SCG5: variants seen among roughly 807,000 people sequenced by gnomAD.
SCG5 encodes neuroendocrine protein 7B2.
In SCG5, 18 loss-of-function variants were observed where a neutral mutation model predicts 25.7. The ratio of observed to expected loss-of-function variants is 0.70; its 90% CI spans 0.48 to 1.04. SCG5 has a LOEUF of 1.04. Ranked by LOEUF, SCG5 falls within the 50% of genes least tolerant of loss-of-function variation. SCG5 has a pLI of 0.00. For synonymous variants in SCG5, 101 were observed against 91.7 expected (o/e 1.10, Z -0.58); for missense variants, 206 against 259.8 (o/e 0.79, Z 1.42).
intron 2 of SCG5, among the ~76,000 whole-genome samples, chr15:32,648,709 A>G (rs2053985946): frequency 6.6e-6 from 1 of 151,404 alleles, no homozygotes; most frequent in South Asian, 2.1e-4. Flanking sequence ...TCACCCACTC[A>G]GAGAGGGCTG....
chr15:32,654,570 G>A (rs892215371), intron 2 of SCG5, among the ~76,000 whole-genome samples: 2 of 152,166 alleles, frequency 1.3e-5, no homozygotes, highest in Non-Finnish European at 2.9e-5. Context: ...TGCAGAAAGT[G>A]TTAAACCTTG....
Position 32,643,539 on chromosome 15 carries a change from A to T in SCG5, c.-7-47A>T, listed in dbSNP as rs563982406. ...GCATCATTATAATTGTATTATCACA[A>T]TTGCCGATTGTAGCCTATCAGTATA... On this transcript the variant is annotated intron_variant, in intron 1 of 5. Transcript: ENST00000300175. The T allele has an allele frequency of 2.8e-6, 4 of 1,421,992 alleles. No individual in the cohort carries two copies. In the East Asian group the frequency reaches 9.2e-5, roughly 33 times the overall value. The allele number at this position is 1,421,992 out of a possible 1,614,324, so 88.1% of individuals were successfully genotyped here.
chr15:32,679,060 ACCCAAGTCCTG>A (rs1290401182), intron 2 of SCG5, among the ~76,000 whole-genome samples: 2 of 152,086 alleles, frequency 1.3e-5, no homozygotes, highest in African/African-American at 4.8e-5. Context: ...TCCTTTCTTG[ACCCAAGTCCTG>A]CCCAAGCTCC....
intron 5 of SCG5, among the ~76,000 whole-genome samples, chr15:32,693,194 T>G (rs545834895): frequency 6.6e-6 from 1 of 152,200 alleles, no homozygotes; most frequent in Non-Finnish European, 1.5e-5. Flanking sequence ...GCTTGAAACT[T>G]TAATTGTCTC....
chr15:32,643,293 A>G (rs920445324), intron 1 of SCG5, among the ~76,000 whole-genome samples: 1 of 152,218 alleles, frequency 6.6e-6, no homozygotes, highest in Non-Finnish European at 1.5e-5. Flanking sequence ...ACTTTCAGGG[A>G]GCTACAAGGA....
intron 4 of SCG5, among the ~76,000 whole-genome samples, chr15:32,690,247 A>G (rs1295392824): frequency 2.0e-5 from 3 of 152,166 alleles, no homozygotes; most frequent in South Asian, 4.1e-4. Flanking sequence ...GTCCCACCCC[A>G]TGGTAGTAGC....
chr15:32,644,262 C>T (rs372567937), intron 2 of SCG5, among the ~76,000 whole-genome samples: 5 of 152,260 alleles, frequency 3.3e-5, no homozygotes, highest in South Asian at 4.1e-4. Flanking sequence ...GAGTCAATGC[C>T]AGCCAGTACT....
At chr15:32,676,200 T>G (rs2054527477) in intron 2 of SCG5, among the ~76,000 whole-genome samples, 1 of 152,228 alleles carries the variant, frequency 6.6e-6, no homozygotes, top group South Asian at 2.1e-4. Flanking sequence ...CAGTGAGTGT[T>G]TCTTGATCTG....
intron 2 of SCG5, chr15:32,677,440 TG>T (rs1281737716): frequency 2.0e-5 from 3 of 152,070 alleles, no homozygotes; most frequent in Non-Finnish European, 4.4e-5. Context: ...ACATTTCCAA[TG>T]GGGGAAAAAA....
intron 2 of SCG5, among the ~76,000 whole-genome samples, chr15:32,665,445 A>AC (rs1428575372): frequency 6.6e-6 from 1 of 151,866 alleles, no homozygotes; most frequent in Non-Finnish European, 1.5e-5. Flanking sequence ...CAGGAGGGAA[A>AC]CTAGTTTTAG....
chr15:32,675,857 A>C (rs1208955252), intron 2 of SCG5, among the ~76,000 whole-genome samples: 3 of 152,222 alleles, frequency 2.0e-5, no homozygotes, highest in African/African-American at 4.8e-5. Flanking sequence ...TCTAGTACCT[A>C]GCCCAGGTTT....
At chr15:32,659,506 A>C (rs750735951) in intron 2 of SCG5, among the ~76,000 whole-genome samples, 22 of 152,178 alleles carry the variant, frequency 1.4e-4, no homozygotes, top group South Asian at 4.1e-4. Context: ...TAACCATAGC[A>C]ATAGGCCTTG....
intron 2 of SCG5, among the ~76,000 whole-genome samples, chr15:32,670,558 A>G (rs8037112): frequency 0.65 from 98,543 of 152,172 alleles, 32,100 homozygotes; most frequent in African/African-American, 0.72. Flanking sequence ...TTCTGTTACT[A>G]GGGAGGAGAG....
intron 2 of SCG5, among the ~76,000 whole-genome samples, chr15:32,663,095 TATATACACATATGTATAC>T (rs2054264005): frequency 6.9e-6 from 1 of 143,916 alleles, no homozygotes; most frequent in African/African-American, 2.5e-5. Flanking sequence ...TAATATGTTA[TATATACACATATGTATAC>T]ATATATACAT....
intron 2 of SCG5, among the ~76,000 whole-genome samples, chr15:32,668,798 G>C (rs1430824075): frequency 6.6e-6 from 1 of 152,222 alleles, no homozygotes. Flanking sequence ...AATGTCATCT[G>C]TTGGCTCAGC....
chr15:32,674,065 T>C (rs1369060687), intron 2 of SCG5, among the ~76,000 whole-genome samples: 3 of 152,192 alleles, frequency 2.0e-5, no homozygotes, highest in Non-Finnish European at 4.4e-5. Flanking sequence ...ACTCTGAGAA[T>C]ACACTGTTAC....
intron 5 of SCG5, among the ~76,000 whole-genome samples, chr15:32,695,046 C>T (rs898064613): frequency 2.0e-5 from 3 of 149,740 alleles, no homozygotes; most frequent in Non-Finnish European, 3.0e-5. Flanking sequence ...GATGGAGTCT[C>T]GCTCTGTCGC....
chr15:32,660,797 G>A (rs1043467993), intron 2 of SCG5, among the ~76,000 whole-genome samples: 2 of 152,114 alleles, frequency 1.3e-5, no homozygotes, highest in African/African-American at 2.4e-5. Context: ...TGAGTTTTTG[G>A]TAATCAATAT....
At chr15:32,672,956 C>G (rs1240973283) in intron 2 of SCG5, 2 of 150,526 alleles carry the variant, frequency 1.3e-5, no homozygotes, top group Non-Finnish European at 3.0e-5. Context: ...CGAAGTAACG[C>G]AGGTCCCATT....
Sources: allele counts gnomAD v4.1 joint callset (sites outside exome capture counted in the v4.1 genomes callset), GRCh38; gene constraint gnomAD v4.1.1; transcripts MANE v1.5; gene names NCBI Gene and HGNC (gene_info 2026-07-23, HGNC 2026-07-21).